The following PPP3CA variants were observed in gnomAD, a reference collection of about 807,000 sequenced individuals.
PPP3CA encodes protein phosphatase 3 catalytic subunit alpha, also known as CAM-PRP catalytic subunit.
PPP3CA carries 14 observed loss-of-function variants against 66.5 expected under a neutral mutation model. The ratio of observed to expected loss-of-function variants is 0.21; its 90% CI spans 0.14 to 0.33. PPP3CA has a LOEUF of 0.33. Among genes scored for constraint, PPP3CA ranks in the 10% least tolerant of loss-of-function variants. The pLI is 1.00. For synonymous variants in PPP3CA, 232 were observed against 226.2 expected, an observed-to-expected ratio of 1.03 and a Z score of -0.23; for missense variants, 317 against 639.5, an observed-to-expected ratio of 0.50 and a Z score of 5.44.
At position 101,347,287 on chromosome 4, in the gene PPP3CA, A is replaced by G; in HGVS notation, c.-491T>C. 4.8e-6 allele frequency: 1 copy of G among 206,928 alleles called. No homozygotes were observed. Among genetic ancestry groups the G allele is most frequent in the Non-Finnish European group, 9.4e-6 (1 of 106,722 alleles). 12.8% of individuals were successfully genotyped at this position (206,928 alleles called of 1,614,324 possible). A position where few individuals can be genotyped will look rare whatever the true frequency, so the allele number is the denominator to read the frequency against. On this transcript the variant is annotated 5_prime_UTR_variant, in exon 1 of 14. Transcript: ENST00000394854. The stretch of plus-strand genomic sequence containing the variant: ...CGCCGATGTCAGTGCCACCAGCCGC[A>G]CCTTGGCGTCCCCGGCGGCGGAGAG...
chr4:101,333,563 T>A (rs897751413), intron 1 of PPP3CA, among the ~76,000 whole-genome samples: 3 of 152,150 alleles, frequency 2.0e-5, no homozygotes, highest in East Asian at 1.9e-4. Flanking sequence ...GAATTTCCGA[T>A]GTCTTGTATA....
At chr4:101,208,065 T>C (rs1357455738) in intron 1 of PPP3CA, among the ~76,000 whole-genome samples, 1 of 152,176 alleles carries the variant, frequency 6.6e-6, no homozygotes, top group Non-Finnish European at 1.5e-5. Flanking sequence ...GTTTCATATA[T>C]GGAGGTCACA....
chr4:101,076,509 A>C (rs1049415723), intron 8 of PPP3CA, among the ~76,000 whole-genome samples: 3 of 152,366 alleles, frequency 2.0e-5, no homozygotes, highest in Admixed American at 6.5e-5. Flanking sequence ...TTAGCATTGC[A>C]GACATTCAGA....
intron 2 of PPP3CA, among the ~76,000 whole-genome samples, chr4:101,177,995 A>G (rs566496053): frequency 1.3e-5 from 2 of 152,264 alleles, no homozygotes; most frequent in South Asian, 4.1e-4. Flanking sequence ...TTTAGTGGTA[A>G]TAAGTGATAT....
At chr4:101,331,006 CG>C (rs1729368337) in intron 1 of PPP3CA, among the ~76,000 whole-genome samples, 1 of 152,078 alleles carries the variant, frequency 6.6e-6, no homozygotes, top group African/African-American at 2.4e-5. Context: ...ATCTGCCCCA[CG>C]AAAAGTATTA....
chr4:101,181,371 A>C (rs1217007012), intron 2 of PPP3CA, among the ~76,000 whole-genome samples: 1 of 152,102 alleles, frequency 6.6e-6, no homozygotes, highest in African/African-American at 2.4e-5. Context: ...AAACCTGAGG[A>C]TCCTTTTTAA....
At chr4:101,248,004 A>G (rs751432185) in intron 1 of PPP3CA, among the ~76,000 whole-genome samples, 23 of 152,192 alleles carry the variant, frequency 1.5e-4, no homozygotes, top group Non-Finnish European at 4.4e-5. Flanking sequence ...CCAAGAGAGT[A>G]GGTGTTTAAT....
chr4:101,300,429 C>T (rs755970943), intron 1 of PPP3CA, among the ~76,000 whole-genome samples: 6 of 152,182 alleles, frequency 3.9e-5, no homozygotes, highest in Admixed American at 6.5e-5. Context: ...AGCAACCTAC[C>T]GGTGCAACAC....
chr4:101,272,300 T>TA (rs1727360544), intron 1 of PPP3CA, among the ~76,000 whole-genome samples: 1 of 152,154 alleles, frequency 6.6e-6, no homozygotes, highest in African/African-American at 2.4e-5. Flanking sequence ...ATTTTATACT[T>TA]AAAGACATTG....
chr4:101,139,938 C>T (rs1233860888), intron 2 of PPP3CA, among the ~76,000 whole-genome samples: 4 of 150,184 alleles, frequency 2.7e-5, no homozygotes, highest in Admixed American at 6.6e-5. Flanking sequence ...TTTTTTTTTC[C>T]GGGTATTTTT....
chr4:101,045,413 T>G (rs144304932), intron 10 of PPP3CA, among the ~76,000 whole-genome samples: 1 of 152,192 alleles, frequency 6.6e-6, no homozygotes, highest in Non-Finnish European at 1.5e-5. Flanking sequence ...CATGAAAATC[T>G]GCAAATGCTA....
chr4:101,143,861 C>T (rs991283999), intron 2 of PPP3CA, among the ~76,000 whole-genome samples: 4 of 152,136 alleles, frequency 2.6e-5, no homozygotes, highest in African/African-American at 9.7e-5. Context: ...ACATAAAATG[C>T]TCATATTCAG....
chr4:101,287,284 T>C (rs1251181112), intron 1 of PPP3CA, among the ~76,000 whole-genome samples: 1 of 152,200 alleles, frequency 6.6e-6, no homozygotes, highest in Non-Finnish European at 1.5e-5. Flanking sequence ...ACATTTTTGA[T>C]TACTTTAATT....
chr4:101,085,181 C>T (rs1417270794), intron 6 of PPP3CA, among the ~76,000 whole-genome samples: 1 of 152,216 alleles, frequency 6.6e-6, no homozygotes, highest in Non-Finnish European at 1.5e-5. Flanking sequence ...AATGTTCCTT[C>T]CCTATCTTTT....
At chr4:101,285,062 C>A (rs1727795467) in intron 1 of PPP3CA, among the ~76,000 whole-genome samples, 2 of 151,862 alleles carry the variant, frequency 1.3e-5, no homozygotes. Flanking sequence ...AAACACAAAC[C>A]CAAATACTGA....
chr4:101,286,872 CAG>C (rs1312110564), intron 1 of PPP3CA, among the ~76,000 whole-genome samples: 3 of 152,164 alleles, frequency 2.0e-5, no homozygotes, highest in Non-Finnish European at 4.4e-5. Flanking sequence ...TCACCTGTGA[CAG>C]AGTTCAGCCT....
intron 1 of PPP3CA, among the ~76,000 whole-genome samples, chr4:101,213,821 C>T (rs1233977501): frequency 6.6e-6 from 1 of 151,962 alleles, no homozygotes; most frequent in African/African-American, 2.4e-5. Flanking sequence ...CACTAAAGCT[C>T]GCTATATTAA....
intron 1 of PPP3CA, among the ~76,000 whole-genome samples, chr4:101,213,586 C>T (rs568959035): frequency 1.3e-5 from 2 of 152,206 alleles, no homozygotes; most frequent in East Asian, 3.9e-4. Flanking sequence ...AACCCAACAA[C>T]CATAAGACAC....
rs1726485206 is a variant in PPP3CA, at chr4:101,023,651, T to TGGA, written c.*2211_*2213dup. The TGGA allele has an allele frequency of 6.6e-6, 1 of 152,606 alleles. No homozygotes were observed. The highest frequency in any genetic ancestry group is 1.5e-5 in the Non-Finnish European group (1 of 68,038). The allele number at this position is 152,606 out of a possible 1,614,324, so 9.5% of individuals were successfully genotyped here. A position where few individuals can be genotyped will look rare whatever the true frequency, so the allele number is the denominator to read the frequency against. On this transcript the variant is annotated 3_prime_UTR_variant, in exon 14 of 14. Coordinates refer to ENST00000394854, the MANE Select transcript of PPP3CA (RefSeq NM_000944.5). Reference sequence around the variant, plus strand: ...TCCTTGGTTGCCACTTTTTTTAGGATGGAGAAATATCCACAGGAAAAAATG... The same window carrying TGGA: ...TCCTTGGTTGCCACTTTTTTTAGGATGGAGGAGAAATATCCACAGGAAAAAATG...
Sources: gnomAD v4.1 joint callset for allele counts (sites outside exome capture counted in the v4.1 genomes callset) on GRCh38, gnomAD v4.1.1 for gene constraint, MANE v1.5 for transcripts, NCBI Gene and HGNC (gene_info 2026-07-23, HGNC 2026-07-21) for gene names.